LVRN: variants seen among roughly 807,000 people sequenced by gnomAD.
LVRN encodes the protein laeverin.
In LVRN, 99 loss-of-function variants were observed where a neutral mutation model predicts 111.4. The observed-to-expected ratio is 0.89, with a 90% CI of 0.76 to 1.05. LVRN has a LOEUF of 1.05. LVRN is among the 50% of genes least tolerant of loss of function. The pLI is 0.00. For synonymous variants in LVRN, 488 were observed against 449.5 expected (o/e 1.09, Z -1.08); for missense variants, 1,414 against 1,206.8 (o/e 1.17, Z -2.54).
intron 1 of LVRN, among the ~76,000 whole-genome samples, chr5:115,971,353 A>C (rs74752691): frequency 0.014 from 2,178 of 152,292 alleles, 48 homozygotes; most frequent in African/African-American, 0.05. Flanking sequence ...CAGTTTATCA[A>C]TGTTTCCTTA....
chr5:116,001,177 C>T lies in LVRN; in HGVS notation c.1758C>T (p.Gly586=), dbSNP rs568228499. The change falls in exon 10 of 20, where the codon GGC becomes GGT. Residue 586 remains glycine (G), a synonymous_variant. Coordinates refer to ENST00000357872, the MANE Select transcript of LVRN (RefSeq NM_173800.5). The part of the protein sequence containing the change: ...FPVITLNVST[G]VMKQEPFYLE... The stretch of plus-strand genomic sequence containing the variant: ...TGATCACTTTAAATGTGTCTACTGG[C>T]GTCATGAAACAGGAGCCATTTTATC... The T allele has an allele frequency of 1.5e-5, 25 of 1,613,944 alleles. No homozygotes were observed. The highest frequency in any genetic ancestry group is 1.7e-4 in the Middle Eastern group (1 of 6,060).
intron 13 of LVRN, among the ~76,000 whole-genome samples, chr5:116,006,434 A>C (rs1375072908): frequency 6.6e-6 from 1 of 151,904 alleles, no homozygotes; most frequent in African/African-American, 2.4e-5. Flanking sequence ...TACTTATTTT[A>C]TCCTTCTTTC....
intron 15 of LVRN, among the ~76,000 whole-genome samples, chr5:116,012,896 C>T (rs1748521289): frequency 6.6e-6 from 1 of 152,148 alleles, no homozygotes; most frequent in African/African-American, 2.4e-5. Context: ...AGTAGGTTGA[C>T]AGTGATATAG....
chr5:116,011,481 G>GA (rs755245621), intron 14 of LVRN, among the ~76,000 whole-genome samples: 17 of 152,022 alleles, frequency 1.1e-4, no homozygotes, highest in African/African-American at 2.7e-4. Context: ...GTAATTATAG[G>GA]AAAAAATAGC....
chr5:115,962,880 G>C lies in LVRN; in HGVS notation c.263G>C (p.Arg88Pro), dbSNP rs753179996. The change falls in exon 1 of 20, where the codon CGA (arginine) becomes CCA (proline). Residue 88 changes from arginine (R) to proline (P), a missense_variant. Coordinates refer to ENST00000357872, the MANE Select transcript of LVRN (RefSeq NM_173800.5). Reference protein sequence around the residue: ...LAVTTTPSNWRPPGPWDQLRL... With the variant: ...LAVTTTPSNWPPPGPWDQLRL... Reference sequence around the variant, plus strand: ...GTGACGACCACCCCGAGCAACTGGCGACCCCCGGGGCCCTGGGACCAGCTA... The same window carrying C: ...GTGACGACCACCCCGAGCAACTGGCCACCCCCGGGGCCCTGGGACCAGCTA... 2 of 1,613,052 alleles carry C rather than the reference G, an allele frequency of 1.2e-6. No homozygotes were observed. Among genetic ancestry groups the C allele is most frequent in the South Asian group, 1.1e-5 (1 of 91,050 alleles).
chr5:115,983,213 T>A lies in LVRN; in HGVS notation c.696-74T>A. The A allele has an allele frequency of 2.1e-6, 3 of 1,441,228 alleles. No homozygotes were observed. The South Asian group carries it at 4.5e-5, about 22-fold the overall frequency. The allele number at this position is 1,441,228 out of a possible 1,614,324, so 89.3% of individuals were successfully genotyped here. ...ACACACCAGGCTAACTTACAAGCCATCATCTCTCAATGTTTTTTTATTCCA... is the reference window on the plus strand; with the variant it reads ...ACACACCAGGCTAACTTACAAGCCAACATCTCTCAATGTTTTTTTATTCCA... On this transcript the variant is annotated intron_variant, in intron 1 of 19. Transcript: ENST00000357872.
chr5:116,014,345 C>G, intron 15 of LVRN, 75 bp from the exon 16 acceptor site: 1 of 1,033,968 alleles, frequency 9.7e-7, no homozygotes, highest in South Asian at 1.4e-5. Context: ...TTTTATGAAA[C>G]ACATATTCTT....
chr5:115,998,960 C>T (rs1022988013), intron 6 of LVRN, among the ~76,000 whole-genome samples: 2 of 152,148 alleles, frequency 1.3e-5, no homozygotes, highest in Non-Finnish European at 2.9e-5. Flanking sequence ...AAATCTGACG[C>T]TGTCAAAGGG....
At chr5:116,015,015 A>T (rs1464998355) in intron 16 of LVRN, among the ~76,000 whole-genome samples, 4 of 152,104 alleles carry the variant, frequency 2.6e-5, no homozygotes, top group Non-Finnish European at 5.9e-5. Flanking sequence ...TATTATCAAT[A>T]TACTCTATAC....
At chr5:116,024,301 C>A (rs1175876027) in intron 19 of LVRN, among the ~76,000 whole-genome samples, 1 of 151,772 alleles carries the variant, frequency 6.6e-6, no homozygotes, top group Non-Finnish European at 1.5e-5. Context: ...CAAGAAGAGC[C>A]TTTGTAAATA....
intron 1 of LVRN, among the ~76,000 whole-genome samples, chr5:115,973,482 T>C (rs1284147833): frequency 6.6e-6 from 1 of 152,198 alleles, no homozygotes; most frequent in Non-Finnish European, 1.5e-5. Flanking sequence ...AAATTGGTAA[T>C]ATTTCTTCTT....
chr5:115,997,866 G>T lies in LVRN; in HGVS notation c.1375-1896G>T, dbSNP rs560225995. 2.6e-5 allele frequency among the ~76,000 whole-genome samples: 4 copies of T among 152,208 alleles called. No homozygotes were observed. The East Asian group carries it at 7.7e-4, about 29-fold the overall frequency. On this transcript the variant is annotated intron_variant, in intron 6 of 19. Coordinates refer to ENST00000357872, the MANE Select transcript of LVRN (RefSeq NM_173800.5). ...CTACAGACAGCATCACTTTATGGGA[G>T]GCCCAGAATAGAAAGACCTCTAGGG...
At chr5:116,008,155 C>G (rs1561566409) in intron 13 of LVRN, among the ~76,000 whole-genome samples, 1 of 151,998 alleles carries the variant, frequency 6.6e-6, no homozygotes, top group Non-Finnish European at 1.5e-5. Context: ...TCCTGGCTAA[C>G]ACAGTGCAAA....
At chr5:116,011,802 A>G (rs1283593353) in intron 14 of LVRN, among the ~76,000 whole-genome samples, 2 of 152,192 alleles carry the variant, frequency 1.3e-5, no homozygotes, top group Non-Finnish European at 2.9e-5. Flanking sequence ...GTTTTCAAAG[A>G]ATTTCAATGA....
At chr5:116,016,984 G>C (rs1452853371) in intron 18 of LVRN, among the ~76,000 whole-genome samples, 1 of 152,150 alleles carries the variant, frequency 6.6e-6, no homozygotes, top group African/African-American at 2.4e-5. Flanking sequence ...CTACATCAAG[G>C]TGCAGTTCAA....
chr5:116,021,859 C>T lies in LVRN; in HGVS notation c.2757-532C>T, dbSNP rs77582928. ...ACTAGAGGGGAAGTTTCCATGACCA[C>T]GCCTATTGAAACAAGCACAGGGAGA... is the stretch of plus-strand genomic sequence containing the variant. On this transcript the variant is annotated intron_variant, in intron 18 of 19. Transcript: ENST00000357872. 2.0e-4 allele frequency: 69 copies of T among 349,444 alleles called. No individual in the cohort carries two copies. In the East Asian group the frequency reaches 4.5e-3, roughly 23 times the overall value. The allele number at this position is 349,444 out of a possible 1,614,324, so 21.6% of individuals were successfully genotyped here.
chr5:116,010,642 A>T (rs1005310793), intron 13 of LVRN, 99 bp from the exon 14 acceptor site: 6 of 1,234,556 alleles, frequency 4.9e-6, no homozygotes, highest in South Asian at 2.6e-5. Flanking sequence ...CACATGCCTT[A>T]TTGAAGTCAT....
intron 1 of LVRN, among the ~76,000 whole-genome samples, chr5:115,979,293 C>T (rs1753513811): frequency 6.6e-6 from 1 of 152,134 alleles, no homozygotes; most frequent in Admixed American, 6.5e-5. Flanking sequence ...TCATCTTTCT[C>T]AAAAGTGAGT....
At chr5:116,000,191 C>T (rs1045806465) in intron 7 of LVRN, among the ~76,000 whole-genome samples, 12 of 152,182 alleles carry the variant, frequency 7.9e-5, no homozygotes, top group Non-Finnish European at 1.6e-4. Context: ...ATGTAAAGAT[C>T]TCAATTTTTA....
Sources: gnomAD v4.1 joint callset for allele counts (sites outside exome capture counted in the v4.1 genomes callset) on GRCh38, gnomAD v4.1.1 for gene constraint, MANE v1.5 for transcripts, NCBI Gene and HGNC (gene_info 2026-07-23, HGNC 2026-07-21) for gene names.